Variants in CA10 observed in about 807,000 individuals in gnomAD.
CA10 encodes the protein carbonic anhydrase-related protein 10.
In CA10, 14 loss-of-function variants were observed where a neutral mutation model predicts 44.2. That is an observed-to-expected ratio of 0.32 (90% CI 0.21 to 0.50). The LOEUF is 0.50. CA10 is among the 20% of genes least tolerant of loss of function. CA10 has a pLI of 0.99. For synonymous variants in CA10, 159 were observed against 141.6 expected (o/e 1.12, Z -0.87); for missense variants, 350 against 409.7 (o/e 0.85, Z 1.26).
chr17:51,946,059 C>G (rs1018756144), intron 2 of CA10, among the ~76,000 whole-genome samples: 1 of 152,078 alleles, frequency 6.6e-6, no homozygotes, highest in African/African-American at 2.4e-5. Flanking sequence ...GCCCCGAAAA[C>G]AAATACTGCA....
At chr17:51,696,615 C>A (rs1001040052) in intron 4 of CA10, among the ~76,000 whole-genome samples, 2 of 152,106 alleles carry the variant, frequency 1.3e-5, no homozygotes, top group African/African-American at 4.8e-5. Context: ...TATTTCTTCT[C>A]TTTTGCTAGC....
chr17:52,036,381 T>G (rs911068552), intron 2 of CA10, among the ~76,000 whole-genome samples: 10 of 152,144 alleles, frequency 6.6e-5, no homozygotes, highest in African/African-American at 2.4e-4. Flanking sequence ...GTCCTTGCCT[T>G]CCAGAAGCTT....
At chr17:51,891,140 C>G (rs1439701586) in intron 3 of CA10, among the ~76,000 whole-genome samples, 2 of 152,182 alleles carry the variant, frequency 1.3e-5, no homozygotes, top group Admixed American at 1.3e-4. Context: ...ACAATCACAT[C>G]TACTACTACG....
chr17:51,716,733 A>G (rs1916125984), intron 4 of CA10, among the ~76,000 whole-genome samples: 1 of 152,234 alleles, frequency 6.6e-6, no homozygotes, highest in South Asian at 2.1e-4. Context: ...AGTGAATTAC[A>G]GGCCTCAATA....
At chr17:52,055,029 C>T (rs1295805647) in intron 2 of CA10, among the ~76,000 whole-genome samples, 1 of 152,018 alleles carries the variant, frequency 6.6e-6, no homozygotes, top group East Asian at 1.9e-4. Context: ...CTGCCTCCCA[C>T]AAATAATTAA....
chr17:52,150,514 CA>C (rs1483937048), intron 1 of CA10, among the ~76,000 whole-genome samples: 4 of 152,016 alleles, frequency 2.6e-5, no homozygotes, highest in Non-Finnish European at 5.9e-5. Context: ...ATTAAGTGGA[CA>C]ATGAAAACCA....
At chr17:51,855,598 T>C (rs985549562) in intron 3 of CA10, among the ~76,000 whole-genome samples, 1 of 151,992 alleles carries the variant, frequency 6.6e-6, no homozygotes, top group Non-Finnish European at 1.5e-5. Context: ...GCCTGAACCA[T>C]AAAGAAAATG....
chr17:51,735,303 A>C (rs992631506), intron 4 of CA10, among the ~76,000 whole-genome samples: 1 of 152,182 alleles, frequency 6.6e-6, no homozygotes, highest in African/African-American at 2.4e-5. Flanking sequence ...CAGAAAATCA[A>C]ATACTGCCTG....
chr17:51,979,811 G>A (rs555015757), intron 2 of CA10, among the ~76,000 whole-genome samples: 4 of 152,100 alleles, frequency 2.6e-5, no homozygotes, highest in Admixed American at 1.3e-4. Flanking sequence ...AGTACCCAGA[G>A]ATGAGTACCC....
intron 2 of CA10, among the ~76,000 whole-genome samples, chr17:52,029,289 A>G (rs1330877678): frequency 6.6e-6 from 1 of 152,100 alleles, no homozygotes; most frequent in East Asian, 1.9e-4. Flanking sequence ...ATGAAAAATT[A>G]TCATCTCAAA....
At chr17:51,771,056 G>A (rs997486554) in intron 3 of CA10, among the ~76,000 whole-genome samples, 3 of 149,420 alleles carry the variant, frequency 2.0e-5, no homozygotes, top group South Asian at 4.3e-4. Flanking sequence ...CCCAGGAAGC[G>A]GAGGTTGCAG....
intron 4 of CA10, among the ~76,000 whole-genome samples, chr17:51,747,094 C>T (rs1157071199): frequency 6.6e-6 from 1 of 152,212 alleles, no homozygotes; most frequent in Non-Finnish European, 1.5e-5. Flanking sequence ...GTTGGGCTCT[C>T]TGCTGTGGCC....
intron 3 of CA10, among the ~76,000 whole-genome samples, chr17:51,866,234 AC>A (rs1979540851): frequency 2.0e-5 from 3 of 152,208 alleles, no homozygotes; most frequent in African/African-American, 7.2e-5. Context: ...CCAGGAAGGT[AC>A]TAGGTTAGGA....
intron 4 of CA10, among the ~76,000 whole-genome samples, chr17:51,688,766 A>G (rs1915090842): frequency 6.6e-6 from 1 of 152,154 alleles, no homozygotes; most frequent in African/African-American, 2.4e-5. Flanking sequence ...TTGACCTTAG[A>G]AGAGCTGATC....
chr17:52,097,035 T>C lies in CA10; in HGVS notation c.62-24642A>G, dbSNP rs190920059. Among the ~76,000 whole-genome samples the C allele has an allele frequency of 7.9e-5, 12 of 152,278 alleles. 1 individual carries two copies. The highest frequency in any genetic ancestry group is 3.3e-4 in the Admixed American group (5 of 15,292). On this transcript the variant is annotated intron_variant, in intron 1 of 8. Transcript: ENST00000451037. Reference sequence around the variant, plus strand: ...AGCTGGATCCACCCCACTTCTGCCATTTTTAGCTATTTTAAATTATGCTGC... The same window carrying C: ...AGCTGGATCCACCCCACTTCTGCCACTTTTAGCTATTTTAAATTATGCTGC...
chr17:51,733,744 C>T (rs1352519544), intron 4 of CA10, among the ~76,000 whole-genome samples: 2 of 152,088 alleles, frequency 1.3e-5, no homozygotes, highest in Non-Finnish European at 2.9e-5. Context: ...TTGGAGGTGA[C>T]AGAATCTTCT....
chr17:51,985,598 T>C (rs760307672), intron 2 of CA10, among the ~76,000 whole-genome samples: 12 of 152,046 alleles, frequency 7.9e-5, no homozygotes, highest in Admixed American at 2.0e-4. Flanking sequence ...TATGATTATA[T>C]ACCTAGAAAA....
At chr17:51,925,697 G>A (rs1351055882) in intron 3 of CA10, among the ~76,000 whole-genome samples, 1 of 152,048 alleles carries the variant, frequency 6.6e-6, no homozygotes, top group East Asian at 1.9e-4. Context: ...AATGTCTATC[G>A]ACAGAAGAAC....
At chr17:51,759,706 T>A (rs1905168912) in intron 3 of CA10, among the ~76,000 whole-genome samples, 3 of 152,102 alleles carry the variant, frequency 2.0e-5, no homozygotes, top group Admixed American at 2.0e-4. Context: ...AGGAATCTGA[T>A]GTCTTCCTCT....
Sources: gnomAD v4.1 joint callset for allele counts (sites outside exome capture counted in the v4.1 genomes callset) on GRCh38, gnomAD v4.1.1 for gene constraint, MANE v1.5 for transcripts, NCBI Gene and HGNC (gene_info 2026-07-23, HGNC 2026-07-21) for gene names.